The following TTBK2 variants were observed in gnomAD, a reference collection of about 807,000 sequenced individuals.
TTBK2 encodes the protein tau-tubulin kinase 2.
In TTBK2, 28 loss-of-function variants were observed where a neutral mutation model predicts 110.8. The ratio of observed to expected loss-of-function variants is 0.25; its 90% CI spans 0.19 to 0.35. TTBK2 has a LOEUF of 0.35. Among genes scored for constraint, TTBK2 ranks in the 10% least tolerant of loss-of-function variants. The pLI is 1.00. For synonymous variants in TTBK2, 532 were observed against 527.3 expected (o/e 1.01, Z -0.12); for missense variants, 1,369 against 1,500.3 (o/e 0.91, Z 1.45).
chr15:42,762,290 C>G (rs2062039828), intron 13 of TTBK2, among the ~76,000 whole-genome samples: 1 of 152,176 alleles, frequency 6.6e-6, no homozygotes, highest in Non-Finnish European at 1.5e-5. Flanking sequence ...CCATACAATT[C>G]AGCAATCCCA....
Position 42,827,957 on chromosome 15 carries a change from A to G in TTBK2, c.508T>C (p.Phe170Leu). Residue 170 changes from phenylalanine (F) to leucine (L), a missense_variant, in exon 6 of 15, where the codon TTT (phenylalanine) becomes CTT (leucine). This residue lies in a region of TTBK2 where 138 missense variants were observed against 179.0 expected (regional missense o/e 0.77). Coordinates refer to ENST00000267890, the MANE Select transcript of TTBK2 (RefSeq NM_173500.4). ...YMLDFGLARQ[F>L]TNSCGDVRPP... is the part of the protein sequence containing the mutation. Reference sequence around the variant, plus strand: ...CTGACGTCACCACAGGAATTGGTAAATTGTCGAGCCAAGCCAAAATCAAGC... The same window carrying G: ...CTGACGTCACCACAGGAATTGGTAAGTTGTCGAGCCAAGCCAAAATCAAGC... 1 of 1,613,616 alleles carries G rather than the reference A, an allele frequency of 6.2e-7. No homozygotes were observed. The highest frequency in any genetic ancestry group is 8.5e-7 in the Non-Finnish European group (1 of 1,179,756).
intron 10 of TTBK2, among the ~76,000 whole-genome samples, chr15:42,791,234 G>A (rs1023803292): frequency 9.9e-5 from 15 of 151,966 alleles, no homozygotes; most frequent in African/African-American, 3.6e-4. Flanking sequence ...TGGACAGGCT[G>A]GTCTCGAACT....
intron 11 of TTBK2, among the ~76,000 whole-genome samples, chr15:42,777,670 T>A (rs540725825): frequency 5.3e-4 from 80 of 152,172 alleles, no homozygotes. Flanking sequence ...TCATTCTCCC[T>A]CTAAAAAACA....
At chr15:42,799,876 A>G (rs1024906532) in intron 9 of TTBK2, among the ~76,000 whole-genome samples, 1 of 152,132 alleles carries the variant, frequency 6.6e-6, no homozygotes, top group African/African-American at 2.4e-5. Context: ...ATTATTCAAG[A>G]TACAAAGTAA....
At chr15:42,861,579 G>A (rs903777077) in intron 3 of TTBK2, among the ~76,000 whole-genome samples, 4 of 152,066 alleles carry the variant, frequency 2.6e-5, no homozygotes, top group Non-Finnish European at 5.9e-5. Context: ...AAATATTTGG[G>A]ATGCAGTTAA....
chr15:42,783,267 T>A (rs1890253579), intron 11 of TTBK2, 152 bp downstream of exon 11: 2 of 725,128 alleles, frequency 2.8e-6, no homozygotes, highest in Admixed American at 2.2e-5. Context: ...CCAAAAGAGA[T>A]CCCTTTCCCC....
chr15:42,782,026 A>G (rs1168170702), intron 11 of TTBK2, among the ~76,000 whole-genome samples: 1 of 152,138 alleles, frequency 6.6e-6, no homozygotes, highest in Non-Finnish European at 1.5e-5. Flanking sequence ...GATGACCAAT[A>G]AATTCCTAAA....
At chr15:42,771,194 T>G (rs1889655726) in intron 13 of TTBK2, among the ~76,000 whole-genome samples, 1 of 152,028 alleles carries the variant, frequency 6.6e-6, no homozygotes, top group East Asian at 1.9e-4. Flanking sequence ...AGGCTGGTCT[T>G]GAACTCCTGA....
chr15:42,775,172 C>T lies in TTBK2; in HGVS notation c.1961G>A (p.Ser654Asn), dbSNP rs1889846237. 2 of 1,614,132 alleles carry T rather than the reference C, an allele frequency of 1.2e-6. No individual in the cohort carries two copies. The highest frequency in any genetic ancestry group is 8.5e-7 in the Non-Finnish European group (1 of 1,180,030). The change falls in exon 13 of 15, where the codon AGT becomes AAT. Residue 654 changes from serine (S) to asparagine (N), a missense_variant. By Grantham distance (46) the Ser-to-Asn change is conservative. This residue lies in a region of TTBK2 where 1,097 missense variants were observed against 1,114.7 expected (regional missense o/e 0.98). Coordinates refer to ENST00000267890, the MANE Select transcript of TTBK2 (RefSeq NM_173500.4). Reference protein sequence around the residue: ...ASQFIAATPTSLMEAQAEGPL... With the variant: ...ASQFIAATPTNLMEAQAEGPL... ...TCCTTCTGCCTGCGCCTCCATTAGA[C>T]TTGTGGGCGTCGCTGCAATAAACTG...
chr15:42,914,924 C>T (rs2030993760), intron 1 of TTBK2, among the ~76,000 whole-genome samples: 1 of 152,160 alleles, frequency 6.6e-6, no homozygotes, highest in South Asian at 2.1e-4. Flanking sequence ...ATTCCTTCTC[C>T]TGCAAATCTC....
At chr15:42,817,917 G>C (rs528626704) in intron 6 of TTBK2, among the ~76,000 whole-genome samples, 11 of 152,236 alleles carry the variant, frequency 7.2e-5, no homozygotes, top group African/African-American at 2.6e-4. Context: ...TGTCCCTCCT[G>C]AGAGAAACTT....
At chr15:42,843,142 C>T (rs1893300646) in intron 3 of TTBK2, among the ~76,000 whole-genome samples, 1 of 152,156 alleles carries the variant, frequency 6.6e-6, no homozygotes. Context: ...GAGAGACATC[C>T]AACATAGCTG....
At chr15:42,821,671 G>C (rs1892301992) in intron 6 of TTBK2, among the ~76,000 whole-genome samples, 1 of 149,410 alleles carries the variant, frequency 6.7e-6, no homozygotes, top group Non-Finnish European at 1.5e-5. Flanking sequence ...TATCTTGCCA[G>C]GGTTTTTGTT....
intron 1 of TTBK2, among the ~76,000 whole-genome samples, chr15:42,912,233 C>G (rs1037924705): frequency 2.0e-5 from 3 of 152,088 alleles, no homozygotes; most frequent in African/African-American, 7.2e-5. Context: ...CAGGGTGGGC[C>G]TGAAGGCACC....
chr15:42,874,249 T>C (rs1894722190), intron 2 of TTBK2, among the ~76,000 whole-genome samples: 1 of 152,202 alleles, frequency 6.6e-6, no homozygotes, highest in East Asian at 1.9e-4. Flanking sequence ...TGCTAACTTA[T>C]AAATATAATC....
At chr15:42,863,929 A>G (rs1212235695) in intron 3 of TTBK2, among the ~76,000 whole-genome samples, 1 of 152,196 alleles carries the variant, frequency 6.6e-6, no homozygotes, top group Admixed American at 6.5e-5. Context: ...ACAAAAATTA[A>G]CTCAAGATGA....
intron 3 of TTBK2, among the ~76,000 whole-genome samples, chr15:42,857,064 A>C (rs1024765399): frequency 4.7e-5 from 7 of 147,702 alleles, no homozygotes; most frequent in Middle Eastern, 3.5e-3. Context: ...CTGTCTCACA[A>C]AAAAAAAAAA....
chr15:42,878,019 A>T (rs1012772028), intron 2 of TTBK2, among the ~76,000 whole-genome samples: 2 of 100,492 alleles, frequency 2.0e-5, no homozygotes, highest in African/African-American at 4.7e-5. Context: ...TTTCCTTAAT[A>T]AAAAAAAAAA....
chr15:42,749,725 T>C (rs2061840449), intron 14 of TTBK2, among the ~76,000 whole-genome samples: 1 of 152,212 alleles, frequency 6.6e-6, no homozygotes, highest in Admixed American at 6.5e-5. Context: ...TTTTTCTTCT[T>C]CCCTCATTTT....
Sources: gnomAD v4.1 joint callset for allele counts (sites outside exome capture counted in the v4.1 genomes callset) on GRCh38, gnomAD v4.1.1 for gene constraint, gnomAD v4.1.1 regional missense constraint, MANE v1.5 for transcripts, NCBI Gene and HGNC (gene_info 2026-07-23, HGNC 2026-07-21) for gene names.